SEPSECS: variants seen among roughly 807,000 people sequenced by gnomAD.
SEPSECS encodes Sep (O-phosphoserine) tRNA:Sec (selenocysteine) tRNA synthase, also known as O-phosphoseryl-tRNA(Sec) selenium transferase.
In SEPSECS, 42 loss-of-function variants were observed where a neutral mutation model predicts 52.1. That is an observed-to-expected ratio of 0.81 (90% CI 0.63 to 1.04). SEPSECS has a LOEUF of 1.04. SEPSECS is among the 50% of genes least tolerant of loss of function. SEPSECS has a pLI of 0.00. For missense variants in SEPSECS, 590 were observed against 610.6 expected (o/e 0.97, Z 0.36); for synonymous variants, 216 against 211.4 (o/e 1.02, Z -0.19).
intron 8 of SEPSECS, 144 bp from the exon 9 acceptor site, chr4:25,127,501 AC>A: frequency 1.5e-6 from 1 of 656,000 alleles, no homozygotes; most frequent in Non-Finnish European, 2.7e-6. Context: ...TTGCCACAAT[AC>A]AGTGAAATTC....
intron 10 of SEPSECS, 157 bp downstream of exon 10, chr4:25,125,537 A>G (rs766708843): frequency 1.0e-5 from 7 of 669,270 alleles, no homozygotes; most frequent in Non-Finnish European, 1.9e-5. Flanking sequence ...GGCATACAGT[A>G]GCCTTACAGA....
In SEPSECS at chr4:25,125,713, T is replaced by C. The variant is rs1465713961; in HGVS notation, c.1192A>G (p.Arg398Gly). The change falls in exon 10 of 11, where the codon AGA (arginine) becomes GGA (glycine). Residue 398 changes from arginine (R) to glycine (G), a missense_variant. Transcript: ENST00000382103. ...VTQLGSMLFT[R>G]QVSGARVVPL... ...ACTTACCTGGCTCCAGAAACCTGTC[T>C]GGTAAAAAGCATCGAGCCAAGCTGA... The C allele has an allele frequency of 1.9e-6, 3 of 1,612,264 alleles. No individual in the cohort carries two copies. The highest frequency in any genetic ancestry group is 1.7e-6 in the Non-Finnish European group (2 of 1,178,694).
In SEPSECS at chr4:25,122,077, C is replaced by A. The variant is rs1392236978; in HGVS notation, c.*1854G>T. 6.6e-6 allele frequency: 1 copy of A among 152,098 alleles called. No individual in the cohort carries two copies. Among genetic ancestry groups the A allele is most frequent in the Non-Finnish European group, 1.5e-5 (1 of 67,988 alleles). The allele number at this position is 152,098 out of a possible 1,614,324, so 9.4% of individuals were successfully genotyped here. ...AGCTTTATTGGTTCAGCAATTTAGT[C>A]CCAAATTCTCATGAAAAATTTACAC... On this transcript the variant is annotated 3_prime_UTR_variant, in exon 11 of 11. Transcript: ENST00000382103.
At chr4:25,159,795 T>C in intron 1 of SEPSECS, 1 of 1,095,760 alleles carries the variant, frequency 9.1e-7, no homozygotes, top group Non-Finnish European at 1.1e-6. Flanking sequence ...ACAACAAAAC[T>C]TTTAATGAAA....
chr4:25,138,449 A>C (rs953241367), intron 8 of SEPSECS, among the ~76,000 whole-genome samples: 1 of 151,682 alleles, frequency 6.6e-6, no homozygotes, highest in African/African-American at 2.4e-5. Context: ...GCAAGACCCT[A>C]TCTCTATTTA....
rs1481503880 is a variant in SEPSECS, at chr4:25,156,888, T to C, written c.356A>G (p.Asn119Ser). The C allele has an allele frequency of 1.2e-6, 2 of 1,609,020 alleles. No homozygotes were observed. The highest frequency in any genetic ancestry group is 1.1e-5 in the South Asian group (1 of 90,948). ...CTTTATAATGTCCAGGACCAAAGAA[T>C]TGGTAATTTTGTTCAAAAGGCTAGA... ...AGSSLLNKIT[N>S]SLVLDIIKLA... The change falls in exon 3 of 11, where the codon AAT becomes AGT. Residue 119 changes from asparagine to serine, a missense_variant. Physicochemically the swap from Asn to Ser is conservative, Grantham distance 46. Coordinates refer to ENST00000382103, the MANE Select transcript of SEPSECS (RefSeq NM_016955.4).
In SEPSECS at chr4:25,144,580, C is replaced by G. The variant is rs577523851; in HGVS notation, c.1026+194G>C. ...GCAAAATCACCTAACCCAGATTCCTCGTAATATCTGGATAGACAGGCTGAC... is the reference window on the plus strand; with the variant it reads ...GCAAAATCACCTAACCCAGATTCCTGGTAATATCTGGATAGACAGGCTGAC... On this transcript the variant is annotated intron_variant, in intron 8 of 10. Coordinates refer to ENST00000382103, the MANE Select transcript of SEPSECS (RefSeq NM_016955.4). Among the ~76,000 whole-genome samples, 17 of 150,886 alleles carry G rather than the reference C, an allele frequency of 1.1e-4. No individual in the cohort carries two copies. The East Asian group carries it at 3.1e-3, about 28-fold the overall frequency.
chr4:25,146,716 C>T (rs1711984295), intron 6 of SEPSECS, among the ~76,000 whole-genome samples: 1 of 152,096 alleles, frequency 6.6e-6, no homozygotes, highest in Admixed American at 6.5e-5. Context: ...CAGGCCAGAC[C>T]CAATCTCAGA....
intron 8 of SEPSECS, among the ~76,000 whole-genome samples, chr4:25,130,116 T>A (rs1394963796): frequency 6.6e-6 from 1 of 152,210 alleles, no homozygotes; most frequent in Non-Finnish European, 1.5e-5. Flanking sequence ...CCTTCATTTA[T>A]CCTCAAGCAT....
At chr4:25,141,995 G>A (rs768704155) in intron 8 of SEPSECS, among the ~76,000 whole-genome samples, 59 of 152,200 alleles carry the variant, frequency 3.9e-4, no homozygotes, top group Non-Finnish European at 7.3e-4. Flanking sequence ...CACGGTATTG[G>A]GCTGGGCACG....
intron 8 of SEPSECS, among the ~76,000 whole-genome samples, chr4:25,130,972 T>A (rs1728582634): frequency 6.6e-6 from 1 of 152,204 alleles, no homozygotes; most frequent in Admixed American, 6.5e-5. Context: ...ATATTATTGA[T>A]TTTCCATGTT....
chr4:25,145,329 C>T (rs1711898031), intron 6 of SEPSECS, among the ~76,000 whole-genome samples, 196 bp from the exon 7 acceptor site: 1 of 152,034 alleles, frequency 6.6e-6, no homozygotes, highest in Non-Finnish European at 1.5e-5. Context: ...GTCAACTCTA[C>T]CTTAGAATAA....
intron 3 of SEPSECS, among the ~76,000 whole-genome samples, chr4:25,156,481 G>A (rs1271292242): frequency 6.6e-6 from 1 of 151,700 alleles, no homozygotes; most frequent in Non-Finnish European, 1.5e-5. Flanking sequence ...AAGGCGGGCG[G>A]ATCACGAGGT....
intron 3 of SEPSECS, 100 bp from the exon 4 acceptor site, chr4:25,156,295 T>A: frequency 9.2e-7 from 1 of 1,091,636 alleles, no homozygotes; most frequent in Non-Finnish European, 1.4e-6. Flanking sequence ...GTAAGAGTCG[T>A]AGCCCTAGGG....
intron 8 of SEPSECS, among the ~76,000 whole-genome samples, chr4:25,133,446 T>C (rs911337622): frequency 1.3e-5 from 2 of 152,226 alleles, no homozygotes; most frequent in East Asian, 3.8e-4. Context: ...ATTTACTAGC[T>C]GAGCTACATA....
rs1014413629 is a variant in SEPSECS, at chr4:25,121,050, C to G, written c.*2881G>C. ...TTAATTTATATTTAAATTTACCATTCTGTATATCAAGTGCCTATTGGCTGA... is the reference window on the plus strand; with the variant it reads ...TTAATTTATATTTAAATTTACCATTGTGTATATCAAGTGCCTATTGGCTGA... On this transcript the variant is annotated 3_prime_UTR_variant, in exon 11 of 11. Coordinates refer to ENST00000382103, the MANE Select transcript of SEPSECS (RefSeq NM_016955.4). The G allele has an allele frequency of 6.6e-6, 1 of 152,084 alleles. No homozygotes were observed. The highest frequency in any genetic ancestry group is 1.5e-5 in the Non-Finnish European group (1 of 67,980). 9.4% of individuals were successfully genotyped at this position (152,084 alleles called of 1,614,324 possible).
chr4:25,122,988 G>T lies in SEPSECS; in HGVS notation c.*943C>A, dbSNP rs1216817849. ...ACAAACTAACCAATATATGCAGGCT[G>T]CTTAAAGCAAAAACAGTAAGTGGAA... On this transcript the variant is annotated 3_prime_UTR_variant, in exon 11 of 11. Transcript: ENST00000382103. The T allele has an allele frequency of 6.6e-6, 1 of 152,082 alleles. No homozygotes were observed. The highest frequency in any genetic ancestry group is 1.9e-4 in the East Asian group (1 of 5,194). 9.4% of individuals were successfully genotyped at this position (152,082 alleles called of 1,614,324 possible).
At chr4:25,154,355 G>A (rs1712487327) in intron 5 of SEPSECS, among the ~76,000 whole-genome samples, 1 of 151,998 alleles carries the variant, frequency 6.6e-6, no homozygotes, top group Non-Finnish European at 1.5e-5. Flanking sequence ...CATTCAAAAT[G>A]TTAAAATGAA....
intron 6 of SEPSECS, among the ~76,000 whole-genome samples, chr4:25,149,068 AT>A (rs1036344263): frequency 1.1e-4 from 16 of 148,134 alleles, no homozygotes; most frequent in East Asian, 3.9e-4. Context: ...TGGAGCTTTT[AT>A]TTTTTTTTTG....
Sources: allele counts gnomAD v4.1 joint callset (sites outside exome capture counted in the v4.1 genomes callset), GRCh38; gene constraint gnomAD v4.1.1; transcripts MANE v1.5; gene names NCBI Gene and HGNC (gene_info 2026-07-23, HGNC 2026-07-21).